Variants in PAK1 observed in about 807,000 individuals in gnomAD.
PAK1 encodes the protein serine/threonine-protein kinase PAK 1.
In PAK1, 29 loss-of-function variants were observed where a neutral mutation model predicts 67.4. The ratio of observed to expected loss-of-function variants is 0.43; its 90% CI spans 0.32 to 0.59. The LOEUF (loss-of-function observed/expected upper bound fraction) is 0.59. Among genes scored for constraint, PAK1 ranks in the 20% least tolerant of loss-of-function variants. PAK1 has a pLI of 0.07. For synonymous variants in PAK1, 223 were observed against 237.4 expected (o/e 0.94, Z 0.56); for missense variants, 337 against 670.7 (o/e 0.50, Z 5.50).
chr11:77,323,284 T>C lies in PAK1; in HGVS notation c.1628A>G (p.Asn543Ser). The C allele has an allele frequency of 6.2e-7, 1 of 1,614,032 alleles. No homozygotes were observed. Among genetic ancestry groups the C allele is most frequent in the Non-Finnish European group, 8.5e-7 (1 of 1,179,918 alleles). ...GGGGTGAGTGTGGTTTTAGTGATTGTTCTTTGTTGCCTCCTTAGCTGCAGC... is the reference window on the plus strand; with the variant it reads ...GGGGTGAGTGTGGTTTTAGTGATTGCTCTTTGTTGCCTCCTTAGCTGCAGC... ...LIAAAKEATK[N>S]NH The change falls in exon 15 of 15, where the codon AAC becomes AGC. Residue 543 changes from asparagine (N) to serine (S), a missense_variant. Asn to Ser is a conservative substitution (Grantham distance 46). This residue lies in a region of PAK1 where 71 missense variants were observed against 160.5 expected (regional missense o/e 0.44). Transcript: ENST00000356341.
chr11:77,483,172 T>C, the PAK1 span, among the ~76,000 whole-genome samples: 4 of 142,724 alleles, frequency 2.8e-5, no homozygotes, highest in Non-Finnish European at 6.0e-5. Flanking sequence ...ACTCCAGCCT[T>C]GGTGACAAGA....
intron 1 of PAK1, among the ~76,000 whole-genome samples, chr11:77,447,771 C>T (rs1200989230): frequency 6.6e-6 from 1 of 152,136 alleles, no homozygotes; most frequent in Non-Finnish European, 1.5e-5. Context: ...GGTGATCCGC[C>T]CACCTCAGCC....
intron 5 of PAK1, among the ~76,000 whole-genome samples, chr11:77,360,062 GGAT>G (rs1946577630): frequency 1.3e-5 from 2 of 152,140 alleles, no homozygotes; most frequent in Non-Finnish European, 1.5e-5. Context: ...GAGATAGACA[GGAT>G]GAGAGCCCCT....
Position 77,323,155 on chromosome 11 carries a change from C to G in PAK1, c.*119G>C. On this transcript the variant is annotated 3_prime_UTR_variant, in exon 15 of 15. Coordinates refer to ENST00000356341, the MANE Select transcript of PAK1 (RefSeq NM_002576.5). ...CCAAGGATCAAAGTCTTGAGGAGTG[C>G]TAGATCAGGAAATGGGAGAAGCAAG... 2 of 1,551,880 alleles carry G rather than the reference C, an allele frequency of 1.3e-6. No individual in the cohort carries two copies. The highest frequency in any genetic ancestry group is 1.7e-6 in the Non-Finnish European group (2 of 1,146,412).
At chr11:77,483,174 G>T in the PAK1 span, among the ~76,000 whole-genome samples, 1 of 149,226 alleles carries the variant, frequency 6.7e-6, no homozygotes, top group Non-Finnish European at 1.5e-5. Context: ...TCCAGCCTTG[G>T]TGACAAGAGT....
intron 4 of PAK1, among the ~76,000 whole-genome samples, chr11:77,377,001 A>C (rs1395384156): frequency 1.3e-5 from 2 of 152,048 alleles, no homozygotes; most frequent in Non-Finnish European, 2.9e-5. Flanking sequence ...TGAGGGAGCC[A>C]GGCTCAGTGG....
chr11:77,500,420 T>C, the PAK1 span, among the ~76,000 whole-genome samples: 2 of 151,836 alleles, frequency 1.3e-5, no homozygotes, highest in African/African-American at 4.8e-5. Context: ...TGAGCCGAGA[T>C]TGTGCCACTG....
chr11:77,385,217 A>AT (rs1694667205), intron 2 of PAK1, among the ~76,000 whole-genome samples: 1 of 152,196 alleles, frequency 6.6e-6, no homozygotes, highest in Non-Finnish European at 1.5e-5. Context: ...AACCAGTGCA[A>AT]TTAGGCAAGA....
chr11:77,464,945 G>GT (rs1427762462), intron 1 of PAK1, among the ~76,000 whole-genome samples: 3 of 151,998 alleles, frequency 2.0e-5, no homozygotes, highest in African/African-American at 7.3e-5. Flanking sequence ...TTGAACCCCT[G>GT]TAAGTCAGGG....
intron 1 of PAK1, among the ~76,000 whole-genome samples, chr11:77,408,569 A>ACACACT (rs1954006526): frequency 6.7e-6 from 1 of 149,276 alleles, no homozygotes; most frequent in Admixed American, 6.6e-5. Context: ...ACACACACAC[A>ACACACT]CTCCACATTC....
chr11:77,416,727 G>A (rs1427254392), intron 1 of PAK1, among the ~76,000 whole-genome samples: 2 of 152,182 alleles, frequency 1.3e-5, no homozygotes, highest in African/African-American at 2.4e-5. Context: ...GCCAAGGTGG[G>A]CGGATCACGA....
At chr11:77,415,722 G>A (rs988157627) in intron 1 of PAK1, among the ~76,000 whole-genome samples, 6 of 152,054 alleles carry the variant, frequency 3.9e-5, no homozygotes, top group Non-Finnish European at 8.8e-5. Flanking sequence ...TGAATGGAAA[G>A]GCCTAGGATA....
chr11:77,379,848 C>G (rs764978890), intron 3 of PAK1, 46 bp downstream of exon 3: 1 of 1,275,496 alleles, frequency 7.8e-7, no homozygotes, highest in South Asian at 1.2e-5. Flanking sequence ...CAGTGCACAG[C>G]CAGAACTCTA....
chr11:77,468,031 T>G (rs568940978), intron 1 of PAK1, among the ~76,000 whole-genome samples: 4 of 152,170 alleles, frequency 2.6e-5, no homozygotes, highest in African/African-American at 9.7e-5. Context: ...GCATATACTG[T>G]CATTGTCATT....
chr11:77,415,976 G>GTATTAT (rs71043573), intron 1 of PAK1, among the ~76,000 whole-genome samples: 36,387 of 147,304 alleles, frequency 0.25, 5,613 homozygotes, highest in South Asian at 0.45. Flanking sequence ...TGTATTCTTT[G>GTATTAT]TATTATTATT....
chr11:77,456,697 T>A (rs557529422), intron 1 of PAK1, among the ~76,000 whole-genome samples: 1 of 152,284 alleles, frequency 6.6e-6, no homozygotes, highest in Admixed American at 6.5e-5. Context: ...CCTCATGTAA[T>A]CCTAATAACA....
chr11:77,329,724 A>G (rs926418958), intron 14 of PAK1, among the ~76,000 whole-genome samples: 9 of 152,134 alleles, frequency 5.9e-5, no homozygotes, highest in Non-Finnish European at 8.8e-5. Context: ...AAACTGGCAC[A>G]AGACAGGGAT....
chr11:77,377,159 C>T (rs1316678122), intron 4 of PAK1, among the ~76,000 whole-genome samples: 4 of 152,004 alleles, frequency 2.6e-5, no homozygotes, highest in Non-Finnish European at 5.9e-5. Flanking sequence ...CCTGCAGTCC[C>T]AGTTACTCAG....
chr11:77,430,165 A>G (rs1356883215), intron 1 of PAK1, among the ~76,000 whole-genome samples: 1 of 152,086 alleles, frequency 6.6e-6, no homozygotes, highest in East Asian at 1.9e-4. Flanking sequence ...ATACTCTTCT[A>G]AGAATTAGAA....
Sources: gnomAD v4.1 joint callset for allele counts (sites outside exome capture counted in the v4.1 genomes callset) on GRCh38, gnomAD v4.1.1 for gene constraint, gnomAD v4.1.1 regional missense constraint, MANE v1.5 for transcripts, NCBI Gene and HGNC (gene_info 2026-07-23, HGNC 2026-07-21) for gene names.